The following FHIT variants were observed in gnomAD, a reference collection of about 807,000 sequenced individuals.
The protein encoded by FHIT is fragile histidine triad diadenosine triphosphatase, also known as bis(5'-adenosyl)-triphosphatase.
FHIT carries 19 observed loss-of-function variants against 17.9 expected under a neutral mutation model. The ratio of observed to expected loss-of-function variants is 1.06; its 90% confidence interval spans 0.74 to 1.56. The LOEUF (loss-of-function observed/expected upper bound fraction) is 1.56, where lower values mean the gene tolerates loss of function less well. Among genes scored for constraint, FHIT ranks in the 40% most tolerant of loss-of-function variants. The pLI is 0.00. For missense variants in FHIT, 248 were observed against 189.2 expected (o/e 1.31, Z -1.82); for synonymous variants, 81 against 69.7 (o/e 1.16, Z -0.81).
intron 8 of FHIT, among the ~76,000 whole-genome samples, chr3:59,857,116 G>T (rs964980550): frequency 1.3e-5 from 2 of 152,168 alleles, no homozygotes; most frequent in African/African-American, 2.4e-5. Flanking sequence ...CCTCTGAGGG[G>T]CACTGGAGTT....
chr3:61,021,864 A>G (rs1253693879), intron 3 of FHIT, among the ~76,000 whole-genome samples: 1 of 152,194 alleles, frequency 6.6e-6, no homozygotes, highest in Non-Finnish European at 1.5e-5. Context: ...AGGGAAATGT[A>G]TAGCACTAAA....
At chr3:60,767,699 G>A (rs922430628) in intron 4 of FHIT, among the ~76,000 whole-genome samples, 3 of 152,200 alleles carry the variant, frequency 2.0e-5, no homozygotes, top group Non-Finnish European at 4.4e-5. Flanking sequence ...ACAGAAATAA[G>A]AAAGAGGCTT....
At chr3:59,910,145 C>T (rs1408256856) in intron 8 of FHIT, among the ~76,000 whole-genome samples, 1 of 152,170 alleles carries the variant, frequency 6.6e-6, no homozygotes, top group Non-Finnish European at 1.5e-5. Flanking sequence ...TGGTTTTATA[C>T]ATTTTAGGGA....
chr3:60,986,092 C>T (rs1013096314), intron 3 of FHIT, among the ~76,000 whole-genome samples: 4 of 152,186 alleles, frequency 2.6e-5, no homozygotes, highest in African/African-American at 9.6e-5. Context: ...CATTCTCAAC[C>T]CCCTTAACTT....
In FHIT at chr3:59,909,185, C is replaced by T. The variant is rs201179983; in HGVS notation, c.348+13161G>A. 2.6e-5 allele frequency among the ~76,000 whole-genome samples: 4 copies of T among 151,940 alleles called. No individual in the cohort carries two copies. In the East Asian group the frequency reaches 7.8e-4, roughly 29 times the overall value. On this transcript the variant is annotated intron_variant, in intron 8 of 9. Transcript: ENST00000492590. ...AGTAGCTGGCACTATAGGCACGCAC[C>T]ATCGACCCAGCTAATTTTTTGTATT... is the stretch of plus-strand genomic sequence containing the variant.
At chr3:59,936,486 T>C (rs1706247168) in intron 7 of FHIT, among the ~76,000 whole-genome samples, 1 of 152,148 alleles carries the variant, frequency 6.6e-6, no homozygotes. Flanking sequence ...AAATGTATAA[T>C]AATAAACATT....
At chr3:60,239,873 T>C (rs907280771) in intron 5 of FHIT, among the ~76,000 whole-genome samples, 19 of 152,306 alleles carry the variant, frequency 1.2e-4, no homozygotes, top group African/African-American at 4.1e-4. Flanking sequence ...TCTAAGAAGT[T>C]GAGACCTTGG....
At chr3:59,996,441 G>A (rs1358250437) in intron 7 of FHIT, among the ~76,000 whole-genome samples, 1 of 152,060 alleles carries the variant, frequency 6.6e-6, no homozygotes, top group African/African-American at 2.4e-5. Context: ...CCATGGGTAA[G>A]CCTCAGGGGA....
intron 5 of FHIT, among the ~76,000 whole-genome samples, chr3:60,172,791 G>T (rs1380821212): frequency 6.6e-6 from 1 of 152,136 alleles, no homozygotes; most frequent in Non-Finnish European, 1.5e-5. Context: ...CCAGGCTGTT[G>T]CAGGAAAGAG....
chr3:60,123,999 TATATATATATAGAG>T (rs1224472887), intron 5 of FHIT, among the ~76,000 whole-genome samples: 40 of 30,902 alleles, frequency 1.3e-3, no homozygotes, highest in African/African-American at 5.5e-3. Flanking sequence ...TATATATATA[TATATATATATAGAG>T]AGAGAGAGAG....
At chr3:60,110,271 T>A (rs1355162428) in intron 5 of FHIT, among the ~76,000 whole-genome samples, 3 of 152,192 alleles carry the variant, frequency 2.0e-5, no homozygotes, top group African/African-American at 7.2e-5. Flanking sequence ...TCAGTATAAA[T>A]CTCTAAGCAG....
intron 5 of FHIT, among the ~76,000 whole-genome samples, chr3:60,113,297 T>C (rs558811278): frequency 2.0e-5 from 3 of 152,228 alleles, no homozygotes; most frequent in South Asian, 2.1e-4. Flanking sequence ...ATTCAATAAA[T>C]TGTTTAATGC....
intron 3 of FHIT, among the ~76,000 whole-genome samples, chr3:61,013,146 TTTC>T (rs2031892499): frequency 6.6e-6 from 1 of 152,140 alleles, no homozygotes; most frequent in Non-Finnish European, 1.5e-5. Flanking sequence ...TCCAGAAGTC[TTTC>T]AAGGTTCAGG....
At chr3:60,842,623 ATGAGTGTATATATATATATATATTTT>A (rs1254858077) in intron 3 of FHIT, among the ~76,000 whole-genome samples, 7 of 104,316 alleles carry the variant, frequency 6.7e-5, no homozygotes, top group South Asian at 2.9e-4. Flanking sequence ...ACATATATAT[ATGAGTGTATATATATATATATATTTT>A]TTTTTTTTTT....
chr3:60,677,948 A>G (rs782524482), intron 4 of FHIT, among the ~76,000 whole-genome samples: 5 of 152,064 alleles, frequency 3.3e-5, no homozygotes. Flanking sequence ...CTAGATTGTG[A>G]GTGTACACTT....
At chr3:60,268,536 A>C (rs1265352994) in intron 5 of FHIT, among the ~76,000 whole-genome samples, 1 of 152,246 alleles carries the variant, frequency 6.6e-6, no homozygotes, top group Non-Finnish European at 1.5e-5. Context: ...TTATTGAGTA[A>C]GAAGAAAGGG....
intron 4 of FHIT, among the ~76,000 whole-genome samples, chr3:60,542,488 A>G (rs1353526441): frequency 1.3e-5 from 2 of 152,152 alleles, no homozygotes; most frequent in African/African-American, 4.8e-5. Context: ...TTAATTATTG[A>G]ATGGTAAAAT....
intron 2 of FHIT, among the ~76,000 whole-genome samples, chr3:61,068,365 T>C (rs1318741442): frequency 6.6e-6 from 1 of 152,212 alleles, no homozygotes; most frequent in African/African-American, 2.4e-5. Flanking sequence ...CTAAAGGCCT[T>C]CCACATTTGT....
chr3:60,627,028 A>G (rs935022365), intron 4 of FHIT, among the ~76,000 whole-genome samples: 2 of 152,006 alleles, frequency 1.3e-5, no homozygotes, highest in African/African-American at 4.8e-5. Context: ...ATGATCTTGC[A>G]TTTCTGGGAT....
Sources: allele counts gnomAD v4.1 joint callset (sites outside exome capture counted in the v4.1 genomes callset), GRCh38; gene constraint gnomAD v4.1.1; transcripts MANE v1.5; gene names NCBI Gene and HGNC (gene_info 2026-07-23, HGNC 2026-07-21).